ERBB4: variants seen among roughly 807,000 people sequenced by gnomAD.
The protein encoded by ERBB4 is receptor tyrosine-protein kinase erbB-4.
A neutral mutation model predicts 158.0 loss-of-function variants in ERBB4; 42 were observed. The observed-to-expected ratio is 0.27, with a 90% CI of 0.21 to 0.34. The LOEUF (loss-of-function observed/expected upper bound fraction) is 0.34, where lower values mean the gene tolerates loss of function less well. Among genes scored for constraint, ERBB4 ranks in the 10% least tolerant of loss-of-function variants. ERBB4 has a pLI of 1.00. For missense variants in ERBB4, 1,333 were observed against 1,624.1 expected, an observed-to-expected ratio of 0.82 and a Z score of 3.08; for synonymous variants, 583 against 558.7, an observed-to-expected ratio of 1.04 and a Z score of -0.61.
At chr2:212,394,447 C>G (rs2090966357) in intron 1 of ERBB4, among the ~76,000 whole-genome samples, 1 of 151,970 alleles carries the variant, frequency 6.6e-6, no homozygotes, top group African/African-American at 2.4e-5. Context: ...AATAAGGCCT[C>G]AGATATAATA....
At chr2:212,341,636 TA>T (rs1165951367) in intron 1 of ERBB4, among the ~76,000 whole-genome samples, 3 of 152,112 alleles carry the variant, frequency 2.0e-5, no homozygotes, top group Admixed American at 6.6e-5. Flanking sequence ...AATGACATAT[TA>T]AAAGCCTAAT....
At chr2:211,674,468 T>C (rs771003043) in intron 13 of ERBB4, among the ~76,000 whole-genome samples, 2 of 152,160 alleles carry the variant, frequency 1.3e-5, no homozygotes, top group Non-Finnish European at 2.9e-5. Context: ...GTTTTCCAAA[T>C]GAATAGCATA....
intron 1 of ERBB4, among the ~76,000 whole-genome samples, chr2:212,333,127 G>C (rs115039894): frequency 0.015 from 2,210 of 151,914 alleles, 53 homozygotes; most frequent in African/African-American, 0.051. Context: ...TCAGTAGATG[G>C]GTATAAAATA....
At chr2:211,408,695 C>T (rs936243442) in intron 25 of ERBB4, among the ~76,000 whole-genome samples, 2 of 152,150 alleles carry the variant, frequency 1.3e-5, no homozygotes, top group Admixed American at 1.3e-4. Context: ...CTAGATAGGT[C>T]ATTCTCTTTG....
intron 1 of ERBB4, among the ~76,000 whole-genome samples, chr2:212,189,284 T>C (rs577356849): frequency 2.6e-5 from 4 of 152,148 alleles, no homozygotes; most frequent in Non-Finnish European, 4.4e-5. Context: ...TAGTGACTTA[T>C]TCACTGTTCC....
intron 3 of ERBB4, among the ~76,000 whole-genome samples, chr2:211,826,793 C>T (rs1480503741): frequency 6.6e-6 from 1 of 152,018 alleles, no homozygotes; most frequent in Non-Finnish European, 1.5e-5. Context: ...AAGACACATT[C>T]ATATGCTATA....
intron 1 of ERBB4, among the ~76,000 whole-genome samples, chr2:212,152,107 A>G (rs1192761506): frequency 2.6e-5 from 4 of 152,098 alleles, no homozygotes; most frequent in African/African-American, 7.2e-5. Flanking sequence ...ATAAGGCTCT[A>G]TTGTTTTTTT....
At chr2:211,667,384 T>C (rs934614725) in intron 14 of ERBB4, among the ~76,000 whole-genome samples, 1 of 150,660 alleles carries the variant, frequency 6.6e-6, no homozygotes, top group African/African-American at 2.5e-5. Context: ...ATCCTGAGAC[T>C]GGTGGGGCTC....
chr2:212,055,273 C>T (rs2077521536), intron 2 of ERBB4, among the ~76,000 whole-genome samples: 1 of 152,180 alleles, frequency 6.6e-6, no homozygotes, highest in South Asian at 2.1e-4. Flanking sequence ...ATTGCTGAGG[C>T]TTGAGTAGGT....
chr2:211,976,286 A>G (rs2081604397), intron 2 of ERBB4, among the ~76,000 whole-genome samples: 2 of 152,164 alleles, frequency 1.3e-5, no homozygotes, highest in African/African-American at 4.8e-5. Flanking sequence ...CTGAGGCCAA[A>G]TTTACTTAAT....
At chr2:211,730,010 T>C (rs936220298) in intron 5 of ERBB4, among the ~76,000 whole-genome samples, 1 of 152,072 alleles carries the variant, frequency 6.6e-6, no homozygotes, top group South Asian at 2.1e-4. Context: ...ATTCAAAATA[T>C]CCATGAGAAT....
At chr2:211,697,609 A>G (rs911554067) in intron 12 of ERBB4, among the ~76,000 whole-genome samples, 4 of 152,224 alleles carry the variant, frequency 2.6e-5, no homozygotes, top group Non-Finnish European at 4.4e-5. Context: ...TTAAAAATGA[A>G]AAAAGTTCAC....
At chr2:212,015,620 T>G (rs1170291501) in intron 2 of ERBB4, among the ~76,000 whole-genome samples, 1 of 152,174 alleles carries the variant, frequency 6.6e-6, no homozygotes, top group Non-Finnish European at 1.5e-5. Context: ...TGCTTTGTAA[T>G]TATTTGTTTC....
At chr2:212,236,929 A>G (rs1456988814) in intron 1 of ERBB4, among the ~76,000 whole-genome samples, 1 of 151,968 alleles carries the variant, frequency 6.6e-6, no homozygotes, top group East Asian at 1.9e-4. Flanking sequence ...TCCTGGATTC[A>G]TTGCTTTTTT....
intron 2 of ERBB4, among the ~76,000 whole-genome samples, chr2:212,079,211 C>A (rs1295798427): frequency 1.4e-5 from 1 of 72,458 alleles, no homozygotes; most frequent in Non-Finnish European, 4.1e-5. Context: ...TTTTTAAGAG[C>A]AATTGCCAAA....
In ERBB4 at chr2:211,634,320, T is replaced by G. The variant is rs773831340; in HGVS notation, c.1947-3726A>C. On this transcript the variant is annotated intron_variant, in intron 16 of 27. Transcript: ENST00000342788. ...CTTTTACAATCTAAGTACTTTTGTGTATATTTTCTATTCATTATAGTTTGA... is the reference window on the plus strand; with the variant it reads ...CTTTTACAATCTAAGTACTTTTGTGGATATTTTCTATTCATTATAGTTTGA... 6.9e-4 allele frequency among the ~76,000 whole-genome samples: 105 copies of G among 152,326 alleles called. 1 individual carries two copies. Among genetic ancestry groups the G allele is most frequent in the Non-Finnish European group, 1.0e-3 (70 of 68,032 alleles).
intron 1 of ERBB4, among the ~76,000 whole-genome samples, chr2:212,167,886 A>G (rs1366898802): frequency 6.6e-6 from 1 of 152,020 alleles, no homozygotes; most frequent in Non-Finnish European, 1.5e-5. Context: ...GGGAGTTGCA[A>G]AATGAAAACA....
At chr2:211,929,772 A>C (rs2080123339) in intron 3 of ERBB4, among the ~76,000 whole-genome samples, 1 of 152,238 alleles carries the variant, frequency 6.6e-6, no homozygotes, top group African/African-American at 2.4e-5. Flanking sequence ...ATGGCTATGC[A>C]TAATAGTTAG....
intron 3 of ERBB4, among the ~76,000 whole-genome samples, chr2:211,934,711 C>T (rs541199251): frequency 6.6e-6 from 1 of 151,890 alleles, no homozygotes; most frequent in East Asian, 1.9e-4. Flanking sequence ...AAAGAAAAGG[C>T]TATGAAGTCC....
Sources: allele counts gnomAD v4.1 joint callset (sites outside exome capture counted in the v4.1 genomes callset), GRCh38; gene constraint gnomAD v4.1.1; transcripts MANE v1.5; gene names NCBI Gene and HGNC (gene_info 2026-07-23, HGNC 2026-07-21).